CSNK1G3: variants seen among roughly 807,000 people sequenced by gnomAD.
The protein encoded by CSNK1G3 is casein kinase I isoform gamma-3.
A neutral mutation model predicts 64.3 loss-of-function variants in CSNK1G3; 23 were observed. That is an observed-to-expected ratio of 0.36 (90% CI 0.26 to 0.51). CSNK1G3 has a LOEUF of 0.51. CSNK1G3 is among the 20% of genes least tolerant of loss of function. The probability of loss-of-function intolerance (pLI) is 0.96; values close to 1 mark genes in which losing one functional copy is unlikely to be tolerated. For missense variants in CSNK1G3, 357 were observed against 510.5 expected, an observed-to-expected ratio of 0.70 and a Z score of 2.90; for synonymous variants, 158 against 162.2, an observed-to-expected ratio of 0.97 and a Z score of 0.20.
intron 4 of CSNK1G3, among the ~76,000 whole-genome samples, chr5:123,563,013 ACTT>A (rs1485644108): frequency 6.6e-6 from 1 of 152,096 alleles, no homozygotes; most frequent in Non-Finnish European, 1.5e-5. Context: ...TCTCAGTAAC[ACTT>A]CTTAATTTTT....
At chr5:123,595,118 A>G in intron 10 of CSNK1G3, 3 of 1,613,550 alleles carry the variant, frequency 1.9e-6, no homozygotes, top group African/African-American at 1.3e-5. Flanking sequence ...GCAGACAGAC[A>G]TGGTGGCTCG....
At chr5:123,517,417 A>G (rs1777363848) in intron 1 of CSNK1G3, among the ~76,000 whole-genome samples, 1 of 152,224 alleles carries the variant, frequency 6.6e-6, no homozygotes, top group African/African-American at 2.4e-5. Flanking sequence ...CTCTGAAGAT[A>G]AAAAGGCGTT....
chr5:123,582,064 C>T (rs1418582072), intron 6 of CSNK1G3, among the ~76,000 whole-genome samples: 4 of 151,968 alleles, frequency 2.6e-5, no homozygotes, highest in Admixed American at 2.6e-4. Context: ...TCATAGAAAA[C>T]TTCCTGCTTC....
intron 1 of CSNK1G3, among the ~76,000 whole-genome samples, chr5:123,522,418 G>A (rs1190675374): frequency 6.6e-6 from 1 of 151,570 alleles, no homozygotes; most frequent in African/African-American, 2.4e-5. Context: ...CAGGAGAATC[G>A]CTTGAACCTG....
rs1784858957 is a variant in CSNK1G3, at chr5:123,557,463, T to TA, written c.220-29dup. The TA allele has an allele frequency of 7.0e-6, 11 of 1,560,716 alleles. No individual in the cohort carries two copies. In the African/African-American group the frequency reaches 1.2e-4, roughly 17 times the overall value. ...GGGACCTAGTGCTCTTTTAATAACT[T>TA]AAATGTCTTTTTTTGTTTGTTTTTC... is the stretch of plus-strand genomic sequence containing the variant. On this transcript the variant is annotated intron_variant, in intron 3 of 12. Transcript: ENST00000345990.
chr5:123,560,809 G>A (rs1195499868), intron 4 of CSNK1G3, among the ~76,000 whole-genome samples: 1 of 152,188 alleles, frequency 6.6e-6, no homozygotes, highest in Non-Finnish European at 1.5e-5. Flanking sequence ...TGGGGGCTTG[G>A]GGAGAGGGCA....
At chr5:123,568,444 G>T (rs2150591106) in intron 4 of CSNK1G3, among the ~76,000 whole-genome samples, 1 of 152,258 alleles carries the variant, frequency 6.6e-6, no homozygotes, top group South Asian at 2.1e-4. Flanking sequence ...CATTGTTGTT[G>T]TGTAAAATAA....
chr5:123,570,997 C>T (rs1019983289), intron 4 of CSNK1G3, among the ~76,000 whole-genome samples: 1 of 152,182 alleles, frequency 6.6e-6, no homozygotes, highest in African/African-American at 2.4e-5. Flanking sequence ...ATAAACTTAA[C>T]AAGCCTCTCA....
chr5:123,573,485 G>T, exon 5 of CSNK1G3: 1 of 1,613,800 alleles, frequency 6.2e-7, no homozygotes, highest in South Asian at 1.1e-5. Context: ...AGACTTGTTT[G>T]ACTTGTGTGA....
At chr5:123,612,176 G>C (rs866617980) in intron 12 of CSNK1G3, among the ~76,000 whole-genome samples, 1 of 152,074 alleles carries the variant, frequency 6.6e-6, no homozygotes, top group African/African-American at 2.4e-5. Flanking sequence ...TTATCAGCTG[G>C]TCCACAATTT....
At chr5:123,556,398 C>T (rs1175730142) in intron 3 of CSNK1G3, among the ~76,000 whole-genome samples, 1 of 151,982 alleles carries the variant, frequency 6.6e-6, no homozygotes, top group Non-Finnish European at 1.5e-5. Context: ...TCCTTTCCTC[C>T]TGATACTGTT....
chr5:123,555,947 CT>C (rs1221855230), intron 3 of CSNK1G3, among the ~76,000 whole-genome samples: 1 of 152,048 alleles, frequency 6.6e-6, no homozygotes, highest in Non-Finnish European at 1.5e-5. Flanking sequence ...ATAGAAGGCA[CT>C]GTTTTAAGTA....
At chr5:123,526,647 T>C (rs1779131922) in intron 1 of CSNK1G3, among the ~76,000 whole-genome samples, 1 of 152,204 alleles carries the variant, frequency 6.6e-6, no homozygotes, top group Non-Finnish European at 1.5e-5. Context: ...TAGAATATCA[T>C]ATAAATTGAA....
intron 1 of CSNK1G3, among the ~76,000 whole-genome samples, chr5:123,530,058 G>T (rs540901981): frequency 2.6e-5 from 4 of 151,226 alleles, no homozygotes; most frequent in Admixed American, 6.6e-5. Flanking sequence ...CTGCACTCCA[G>T]CCTGGGTGAC....
At chr5:123,585,573 C>T (rs937021842) in intron 6 of CSNK1G3, among the ~76,000 whole-genome samples, 1 of 152,124 alleles carries the variant, frequency 6.6e-6, no homozygotes. Context: ...CAAAACATAT[C>T]TGAAAATAAC....
intron 10 of CSNK1G3, among the ~76,000 whole-genome samples, chr5:123,602,849 T>A (rs1794727625): frequency 1.3e-5 from 2 of 152,164 alleles, no homozygotes; most frequent in South Asian, 4.1e-4. Context: ...CCACCATTTA[T>A]TGACCTCTTC....
At chr5:123,605,226 T>C (rs566999567) in intron 11 of CSNK1G3, 113 bp from the exon 13 acceptor site, 184 of 914,328 alleles carry the variant, frequency 2.0e-4, no homozygotes, top group Non-Finnish European at 2.6e-4. Flanking sequence ...ATAACAACAT[T>C]GCTTGGAAAA....
At chr5:123,525,339 T>A (rs1778862133) in intron 1 of CSNK1G3, among the ~76,000 whole-genome samples, 1 of 143,816 alleles carries the variant, frequency 7.0e-6, no homozygotes, top group African/African-American at 2.6e-5. Context: ...TGAGACGGAG[T>A]CTCACTCTGT....
chr5:123,601,334 G>A (rs1794463220), intron 10 of CSNK1G3, among the ~76,000 whole-genome samples: 1 of 152,094 alleles, frequency 6.6e-6, no homozygotes, highest in South Asian at 2.1e-4. Context: ...ACACTCTCAA[G>A]TCACCGGTGT....
Sources: allele counts gnomAD v4.1 joint callset (sites outside exome capture counted in the v4.1 genomes callset), GRCh38; gene constraint gnomAD v4.1.1; transcripts MANE v1.5; gene names NCBI Gene and HGNC (gene_info 2026-07-23, HGNC 2026-07-21).